The following IQCE variants were observed in gnomAD, a reference collection of about 807,000 sequenced individuals.
IQCE encodes the protein IQ motif containing E.
IQCE carries 115 observed loss-of-function variants against 96.0 expected under a neutral mutation model. That is an observed-to-expected ratio of 1.20 (90% CI 1.03 to 1.40). IQCE has a LOEUF of 1.40. IQCE is among the 40% of genes most tolerant of loss of function. The pLI, the probability that IQCE is intolerant of heterozygous loss-of-function variation, is 0.00. For synonymous variants in IQCE, 412 were observed against 371.2 expected (o/e 1.11, Z -1.26); for missense variants, 1,041 against 909.1 (o/e 1.15, Z -1.87).
intron 8 of IQCE, among the ~76,000 whole-genome samples, chr7:2,579,316 C>G (rs144811878): frequency 1.1e-4 from 17 of 151,866 alleles, no homozygotes; most frequent in South Asian, 4.2e-4. Context: ...GATTATTGAA[C>G]GCAAAGAATA....
intron 11 of IQCE, 38 bp from the exon 12 acceptor site, chr7:2,586,170 A>G (rs777080126): frequency 1.3e-6 from 2 of 1,587,254 alleles, no homozygotes; most frequent in African/African-American, 1.4e-5. Context: ...AAACCAGCTT[A>G]GCAATGCAAA....
intron 14 of IQCE, among the ~76,000 whole-genome samples, chr7:2,591,538 A>G (rs1045837820): frequency 2.0e-5 from 3 of 150,620 alleles, no homozygotes; most frequent in Non-Finnish European, 4.4e-5. Flanking sequence ...AAGAGCTAGG[A>G]GCTGGTTAGA....
chr7:2,593,166 G>T (rs773313271), intron 15 of IQCE, 40 bp downstream of exon 15: 15 of 1,578,064 alleles, frequency 9.5e-6, no homozygotes, highest in Non-Finnish European at 1.2e-5. Flanking sequence ...ACCCAGGCGA[G>T]TCCGCACTCC....
chr7:2,578,296 C>T lies in IQCE; in HGVS notation c.520C>T (p.Leu174=), dbSNP rs1782363005. The T allele has an allele frequency of 1.2e-6, 2 of 1,613,892 alleles. No individual in the cohort carries two copies. Among genetic ancestry groups the T allele is most frequent in the Middle Eastern group, 1.6e-4 (1 of 6,078 alleles). The change falls in exon 7 of 22, where the codon CTG becomes TTG. Residue 174 remains leucine (L), a synonymous_variant. Coordinates refer to ENST00000402050, the MANE Select transcript of IQCE (RefSeq NM_152558.5). ...CCTGATGAGAACGAAGCTCCGGCGC[C>T]TGGAGGAGGAAAACAGCAGGAAGGA... ...VDLMRTKLRR[L]EEENSRKDRQ...
At chr7:2,563,122 C>T (rs1448927645) in intron 1 of IQCE, among the ~76,000 whole-genome samples, 5 of 152,024 alleles carry the variant, frequency 3.3e-5, no homozygotes, top group Non-Finnish European at 7.4e-5. Context: ...CACTGGGTGT[C>T]ACTATGTCAC....
chr7:2,581,183 A>G (rs1363932213), intron 8 of IQCE, among the ~76,000 whole-genome samples: 6 of 152,084 alleles, frequency 3.9e-5, no homozygotes, highest in African/African-American at 9.6e-5. Flanking sequence ...GTATTCATCT[A>G]TGACTAACAT....
chr7:2,561,570 G>A (rs1363274052), intron 1 of IQCE, among the ~76,000 whole-genome samples: 2 of 151,846 alleles, frequency 1.3e-5, no homozygotes, highest in Non-Finnish European at 2.9e-5. Flanking sequence ...ACAGGCGCCC[G>A]CCACCATGCC....
At chr7:2,586,711 G>T (rs1783145764) in intron 12 of IQCE, among the ~76,000 whole-genome samples, 1 of 152,190 alleles carries the variant, frequency 6.6e-6, no homozygotes, top group Non-Finnish European at 1.5e-5. Flanking sequence ...GTGTGCAGCT[G>T]CAAGCAGGGT....
chr7:2,593,295 T>A (rs1057391323), intron 15 of IQCE, among the ~76,000 whole-genome samples, 169 bp downstream of exon 15: 1 of 152,244 alleles, frequency 6.6e-6, no homozygotes, highest in Non-Finnish European at 1.5e-5. Context: ...ACTAACCTCT[T>A]GGTGCTGAGC....
intron 19 of IQCE, 146 bp from the exon 20 acceptor site, chr7:2,605,730 C>G (rs2128472867): frequency 1.4e-6 from 1 of 697,102 alleles, no homozygotes; most frequent in East Asian, 3.4e-5. Context: ...GTTCACTGAC[C>G]AGCAATTCCC....
intron 1 of IQCE, among the ~76,000 whole-genome samples, chr7:2,562,579 A>T (rs1002408923): frequency 6.8e-6 from 1 of 147,230 alleles, no homozygotes; most frequent in African/African-American, 2.5e-5. Context: ...CTATAAGGTC[A>T]GTAGTGAGGC....
rs766273056 is a variant in IQCE at position 2,601,466 on chromosome 7, T to A, written c.1632+2T>A. The A allele has an allele frequency of 1.3e-6, 2 of 1,583,128 alleles. No individual in the cohort carries two copies. Among genetic ancestry groups the A allele is most frequent in the South Asian group, 2.2e-5 (2 of 89,930 alleles). On this transcript the variant is annotated splice_donor_variant, in intron 18 of 21. Coordinates refer to ENST00000402050, the MANE Select transcript of IQCE (RefSeq NM_152558.5). LOFTEE classifies it high-confidence loss of function. Reference sequence around the variant, plus strand: ...AAAAAAAAGGCTGTTCTGGATGAGGTAAGCGAGGTTTATTTCTTGTTTCAA... The same window carrying A: ...AAAAAAAAGGCTGTTCTGGATGAGGAAAGCGAGGTTTATTTCTTGTTTCAA...
Position 2,604,973 on chromosome 7 carries a change from G to T in IQCE, c.1725G>T (p.Val575=), listed in dbSNP as rs2293405. ...SKAHGSEPPS[V]PGLPDQSSPV... Reference sequence around the variant, plus strand: ...CACATGGCTCAGAGCCACCCAGCGTGCCAGGCCTCCCAGACCAGGTAATGT... The same window carrying T: ...CACATGGCTCAGAGCCACCCAGCGTTCCAGGCCTCCCAGACCAGGTAATGT... Residue 575 remains valine (V), a synonymous_variant, in exon 19 of 22, where the codon GTG becomes GTT. Transcript: ENST00000402050. The T allele has an allele frequency of 0.14, 225,807 of 1,610,640 alleles. 16,309 individuals carry two copies. The highest frequency in any genetic ancestry group is 0.17 in the Middle Eastern group (1,009 of 6,052).
chr7:2,604,296 A>G (rs963819529), intron 18 of IQCE, among the ~76,000 whole-genome samples: 15 of 152,054 alleles, frequency 9.9e-5, no homozygotes, highest in African/African-American at 3.6e-4. Flanking sequence ...TTTTCTGTAG[A>G]GACGAGGTCT....
chr7:2,593,301 T>C (rs1331992589), intron 15 of IQCE, among the ~76,000 whole-genome samples, 175 bp downstream of exon 15: 1 of 152,260 alleles, frequency 6.6e-6, no homozygotes, highest in Non-Finnish European at 1.5e-5. Flanking sequence ...CTCTTGGTGC[T>C]GAGCAGGGCC....
intron 1 of IQCE, among the ~76,000 whole-genome samples, chr7:2,561,977 C>T (rs530138504): frequency 2.6e-5 from 4 of 152,256 alleles, no homozygotes; most frequent in African/African-American, 9.6e-5. Context: ...CTTGCTGCTG[C>T]TATTAGAAGG....
rs1782339417 is a variant in IQCE at position 2,578,127 on chromosome 7, G to C, written c.466-115G>C. ...GCGTGTGCGTGGCTGTGCGCGTGGG[G>C]ACGTGTGTGCGGCGTGCCCGCATTG... On this transcript the variant is annotated intron_variant, in intron 6 of 21. Transcript: ENST00000402050. 5.3e-6 allele frequency: 4 copies of C among 749,162 alleles called. No homozygotes were observed. The Admixed American group carries it at 6.2e-5, about 12-fold the overall frequency. 46.4% of individuals were successfully genotyped at this position (749,162 alleles called of 1,614,324 possible).
chr7:2,604,146 T>A (rs1460862526), intron 18 of IQCE, among the ~76,000 whole-genome samples: 1 of 151,426 alleles, frequency 6.6e-6, no homozygotes, highest in African/African-American at 2.4e-5. Flanking sequence ...GCGCGCCACG[T>A]CTGGCTAATT....
chr7:2,582,373 G>A lies in IQCE; in HGVS notation c.631-207G>A, dbSNP rs191996565. On this transcript the variant is annotated intron_variant, in intron 8 of 21. Coordinates refer to ENST00000402050, the MANE Select transcript of IQCE (RefSeq NM_152558.5). ...GCCACCTCCTGCTCCAGCCGGTGTC[G>A]CACCCCTGCCATTCACCCAGCCTTA... Among the ~76,000 whole-genome samples, 33 of 152,248 alleles carry A rather than the reference G, an allele frequency of 2.2e-4. No homozygotes were observed. The East Asian group carries it at 3.3e-3, about 15-fold the overall frequency.
Sources: allele counts gnomAD v4.1 joint callset (sites outside exome capture counted in the v4.1 genomes callset), GRCh38; gene constraint gnomAD v4.1.1; transcripts MANE v1.5; gene names NCBI Gene and HGNC (gene_info 2026-07-23, HGNC 2026-07-21).